OSBPL8: variants seen among roughly 807,000 people sequenced by gnomAD.
The protein encoded by OSBPL8 is oxysterol-binding protein-related protein 8.
OSBPL8 carries 59 observed loss-of-function variants against 125.5 expected under a neutral mutation model. The observed-to-expected ratio is 0.47, with a 90% CI of 0.38 to 0.58. OSBPL8 has a LOEUF of 0.58. Ranked by LOEUF, OSBPL8 falls within the 20% of genes least tolerant of loss-of-function variation. OSBPL8 has a pLI of 0.00. For missense variants in OSBPL8, 758 were observed against 1,047.8 expected (o/e 0.72, Z 3.82); for synonymous variants, 330 against 338.9 (o/e 0.97, Z 0.29).
chr12:76,451,860 C>G (rs1873448599), intron 3 of OSBPL8, among the ~76,000 whole-genome samples: 1 of 152,036 alleles, frequency 6.6e-6, no homozygotes, highest in African/African-American at 2.4e-5. Context: ...TAAGAAAGGA[C>G]GATTTACTAG....
At chr12:76,391,435 CG>C (rs1953552363) in intron 10 of OSBPL8, among the ~76,000 whole-genome samples, 2 of 151,998 alleles carry the variant, frequency 1.3e-5, no homozygotes, top group South Asian at 4.1e-4. Context: ...CTATCTCATT[CG>C]GGCACCAGGT....
At chr12:76,377,370 G>T (rs1247623494) in intron 16 of OSBPL8, among the ~76,000 whole-genome samples, 1 of 152,260 alleles carries the variant, frequency 6.6e-6, no homozygotes, top group East Asian at 1.9e-4. Context: ...CACAATAGCT[G>T]AACTAATTTA....
chr12:76,490,437 G>A (rs974061171), intron 1 of OSBPL8, among the ~76,000 whole-genome samples: 4 of 152,314 alleles, frequency 2.6e-5, no homozygotes, highest in East Asian at 1.9e-4. Flanking sequence ...GCTGCTGGAC[G>A]TCGGGGACTA....
intron 11 of OSBPL8, 177 bp from the exon 12 acceptor site, chr12:76,390,006 A>G (rs1953491388): frequency 4.4e-6 from 2 of 458,446 alleles, no homozygotes; most frequent in South Asian, 1.7e-4. Flanking sequence ...AAAAAAGGGT[A>G]GCTGAAAAAG....
At chr12:76,401,717 A>G (rs1954060590) in intron 6 of OSBPL8, among the ~76,000 whole-genome samples, 1 of 152,162 alleles carries the variant, frequency 6.6e-6, no homozygotes, top group African/African-American at 2.4e-5. Flanking sequence ...TTCAAATAAC[A>G]AAGAATGCCA....
chr12:76,397,438 G>GA (rs900223782), intron 8 of OSBPL8, among the ~76,000 whole-genome samples: 40 of 151,166 alleles, frequency 2.6e-4, no homozygotes, highest in African/African-American at 7.0e-4. Flanking sequence ...ATTAGAAACT[G>GA]AAAAAAACAG....
intron 1 of OSBPL8, 43 bp from the exon 2 acceptor site, chr12:76,487,661 G>A (rs1441953074): frequency 1.0e-5 from 7 of 700,188 alleles, no homozygotes; most frequent in African/African-American, 1.9e-5. Context: ...GTATAAAACT[G>A]TGACAAGTAG....
At chr12:76,431,218 C>G (rs1870776947) in intron 4 of OSBPL8, among the ~76,000 whole-genome samples, 2 of 149,174 alleles carry the variant, frequency 1.3e-5, no homozygotes, top group African/African-American at 4.9e-5. Flanking sequence ...ATGTGAATAC[C>G]ACAATAATCA....
intron 3 of OSBPL8, among the ~76,000 whole-genome samples, chr12:76,458,794 T>C (rs1874364301): frequency 2.0e-5 from 3 of 152,154 alleles, no homozygotes; most frequent in Non-Finnish European, 2.9e-5. Flanking sequence ...AAACAGCAAC[T>C]GATCTAGACT....
intron 4 of OSBPL8, among the ~76,000 whole-genome samples, chr12:76,432,179 A>G (rs1870912695): frequency 6.6e-6 from 1 of 152,226 alleles, no homozygotes; most frequent in African/African-American, 2.4e-5. Flanking sequence ...AAAGGAATTA[A>G]AAGAGAAATT....
At chr12:76,514,628 C>T (rs2137214758) in intron 1 of OSBPL8, among the ~76,000 whole-genome samples, 1 of 152,174 alleles carries the variant, frequency 6.6e-6, no homozygotes, top group African/African-American at 2.4e-5. Context: ...GATTATGTGT[C>T]TTGGGGATGA....
At chr12:76,502,081 T>G (rs1879960987) in intron 1 of OSBPL8, among the ~76,000 whole-genome samples, 1 of 152,124 alleles carries the variant, frequency 6.6e-6, no homozygotes, top group Non-Finnish European at 1.5e-5. Flanking sequence ...GACAGAACAG[T>G]GGGGTGGCAT....
At chr12:76,382,838 G>A (rs905734987) in intron 15 of OSBPL8, among the ~76,000 whole-genome samples, 7 of 152,114 alleles carry the variant, frequency 4.6e-5, no homozygotes, top group Non-Finnish European at 2.9e-5. Context: ...AGCCGAGATT[G>A]TGCCATTGCA....
chr12:76,489,098 T>C (rs1007061613), intron 1 of OSBPL8, among the ~76,000 whole-genome samples: 12 of 152,300 alleles, frequency 7.9e-5, no homozygotes, highest in Admixed American at 2.6e-4. Context: ...TTCAATTCTA[T>C]ACAGGCTGAG....
In OSBPL8 at chr12:76,390,464, T is replaced by C. The variant is rs756962048; in HGVS notation, c.1123A>G (p.Lys375Glu). The change falls in exon 11 of 24, where the codon AAG becomes GAG. Residue 375 changes from lysine to glutamate, a missense_variant. By Grantham distance (56) the Lys-to-Glu change is moderately conservative. Around this residue, in one of 3 missense-constraint regions of OSBPL8, gnomAD observed 572 missense variants for 762.0 expected, o/e 0.75. Coordinates refer to ENST00000261183, the MANE Select transcript of OSBPL8 (RefSeq NM_020841.5). ...CTCTGTTCAGTGTAGGTAGTCTCCTTTAAAGGCTCAACAGGCTCAGGTTCG... is the reference window on the plus strand; with the variant it reads ...CTCTGTTCAGTGTAGGTAGTCTCCTCTAAAGGCTCAACAGGCTCAGGTTCG... Reference protein sequence around the residue: ...YIEPEPVEPLKETTYTEQSHE... With the variant: ...YIEPEPVEPLEETTYTEQSHE... 9 of 1,613,908 alleles carry C rather than the reference T, an allele frequency of 5.6e-6. No individual in the cohort carries two copies. The South Asian group carries it at 7.7e-5, about 14-fold the overall frequency.
chr12:76,439,730 T>C (rs1871955074), intron 4 of OSBPL8, among the ~76,000 whole-genome samples: 1 of 152,314 alleles, frequency 6.6e-6, no homozygotes, highest in South Asian at 2.1e-4. Context: ...TTTTGGGAAA[T>C]CACCTTTCCA....
intron 2 of OSBPL8, among the ~76,000 whole-genome samples, chr12:76,470,635 T>C (rs193165888): frequency 1.3e-5 from 2 of 152,190 alleles, no homozygotes; most frequent in Admixed American, 1.3e-4. Flanking sequence ...TGCAAAAAAA[T>C]ACCTTCATTC....
chr12:76,392,636 C>A lies in OSBPL8; in HGVS notation c.874G>T (p.Val292Leu). ...GCACGTAGTAAGCCATAGAAAGTCA[C>A]ATGTGTGCTATCTGATGAAACGCTC... ...DLSVSSDSTHVTFYGLLRANN... is the reference protein window; with the variant it reads ...DLSVSSDSTHLTFYGLLRANN... Residue 292 changes from valine (V) to leucine (L), a missense_variant, in exon 10 of 24, where the codon GTG becomes TTG. By Grantham distance (32) the Val-to-Leu change is conservative. Around this residue, in one of 3 missense-constraint regions of OSBPL8, gnomAD observed 572 missense variants for 762.0 expected, o/e 0.75. Coordinates refer to ENST00000261183, the MANE Select transcript of OSBPL8 (RefSeq NM_020841.5). The A allele has an allele frequency of 6.2e-7, 1 of 1,614,058 alleles. No individual in the cohort carries two copies. Among genetic ancestry groups the A allele is most frequent in the Admixed American group, 1.7e-5 (1 of 60,030 alleles).
chr12:76,369,959 G>A (rs1952559129), intron 19 of OSBPL8, 137 bp from the exon 20 acceptor site: 2 of 755,938 alleles, frequency 2.6e-6, no homozygotes, highest in Non-Finnish European at 4.1e-6. Context: ...TATGCTCATA[G>A]GCTTAGAAAT....
Sources: gnomAD v4.1 joint callset for allele counts (sites outside exome capture counted in the v4.1 genomes callset) on GRCh38, gnomAD v4.1.1 for gene constraint, gnomAD v4.1.1 regional missense constraint, MANE v1.5 for transcripts, NCBI Gene and HGNC (gene_info 2026-07-23, HGNC 2026-07-21) for gene names.